The following RCOR1 variants were observed in gnomAD, a reference collection of about 807,000 sequenced individuals.
RCOR1 encodes the protein REST corepressor 1.
A neutral mutation model predicts 64.0 loss-of-function variants in RCOR1; 12 were observed. The ratio of observed to expected loss-of-function variants is 0.19; its 90% CI spans 0.12 to 0.30. The LOEUF is 0.30. Ranked by LOEUF, RCOR1 falls within the 10% of genes least tolerant of loss-of-function variation. RCOR1 has a pLI of 1.00. For synonymous variants in RCOR1, 279 were observed against 227.2 expected, an observed-to-expected ratio of 1.23 and a Z score of -2.05; for missense variants, 502 against 621.2, an observed-to-expected ratio of 0.81 and a Z score of 2.04.
chr14:102,663,058 T>G (rs140379498), intron 2 of RCOR1, among the ~76,000 whole-genome samples: 9 of 152,274 alleles, frequency 5.9e-5, no homozygotes, highest in African/African-American at 2.2e-4. Flanking sequence ...GATAATTGAA[T>G]CATGAGGCCA....
chr14:102,655,546 G>T, intron 2 of RCOR1: 1 of 937,914 alleles, frequency 1.1e-6, no homozygotes, highest in African/African-American at 1.8e-5. Flanking sequence ...AAGTTGCGAA[G>T]ATTACAAGCT....
At chr14:102,646,084 C>T (rs1894472456) in intron 2 of RCOR1, among the ~76,000 whole-genome samples, 1 of 152,112 alleles carries the variant, frequency 6.6e-6, no homozygotes, top group South Asian at 2.1e-4. Flanking sequence ...GGAAAACAGA[C>T]CTCATATCTT....
Position 102,721,305 on chromosome 14 carries a change from C to T in RCOR1, c.1132-15C>T, listed in dbSNP as rs764651712. The T allele has an allele frequency of 3.1e-6, 5 of 1,608,892 alleles. No individual in the cohort carries two copies. Among genetic ancestry groups the T allele is most frequent in the Admixed American group, 1.7e-5 (1 of 59,954 alleles). On this transcript the variant is annotated splice_polypyrimidine_tract_variant and intron_variant, in intron 9 of 11. Coordinates refer to ENST00000262241, the MANE Select transcript of RCOR1 (RefSeq NM_015156.4). The stretch of plus-strand genomic sequence containing the variant: ...CTAAATGTAATGTGCTAAAATGACT[C>T]ATTTGGATATCCAGGTCATTCAGAA...
intron 2 of RCOR1, among the ~76,000 whole-genome samples, chr14:102,599,163 ACT>A (rs1044967450): frequency 6.6e-6 from 1 of 151,068 alleles, no homozygotes; most frequent in Non-Finnish European, 1.5e-5. Context: ...ATAGGGTCAC[ACT>A]CTGTCACCAG....
chr14:102,676,296 A>G (rs1367550184), intron 2 of RCOR1, among the ~76,000 whole-genome samples: 440 of 117,692 alleles, frequency 3.7e-3, no homozygotes, highest in Middle Eastern at 0.022. Context: ...GCCGGGCAGA[A>G]GCGCCCCTCA....
chr14:102,705,503 G>A (rs1353121287), intron 4 of RCOR1, among the ~76,000 whole-genome samples: 1 of 152,144 alleles, frequency 6.6e-6, no homozygotes. Flanking sequence ...GGAGTGCAGT[G>A]GTGTGATCAT....
At chr14:102,616,530 C>G (rs1419727375) in intron 2 of RCOR1, among the ~76,000 whole-genome samples, 1 of 152,096 alleles carries the variant, frequency 6.6e-6, no homozygotes, top group Non-Finnish European at 1.5e-5. Flanking sequence ...CTTGGATTCC[C>G]AAAGTGCTGC....
chr14:102,640,087 C>T (rs1030186989), intron 2 of RCOR1, among the ~76,000 whole-genome samples: 9 of 152,174 alleles, frequency 5.9e-5, no homozygotes, highest in African/African-American at 1.2e-4. Context: ...TCAGGTGATC[C>T]GCCTGCCTCA....
At chr14:102,645,584 C>G (rs986680006) in intron 2 of RCOR1, among the ~76,000 whole-genome samples, 4 of 152,206 alleles carry the variant, frequency 2.6e-5, no homozygotes, top group Non-Finnish European at 5.9e-5. Context: ...AAAGGCCTTG[C>G]AATTTCCACC....
rs76304775 is a variant in RCOR1 at position 102,675,239 on chromosome 14, G to A, written c.362-6656G>A. Among the ~76,000 whole-genome samples, 1,183 of 152,054 alleles carry A rather than the reference G, an allele frequency of 7.8e-3. 22 individuals carry two copies. The highest frequency in any genetic ancestry group is 0.054 in the East Asian group (280 of 5,178). The stretch of plus-strand genomic sequence containing the variant: ...CACATTTTTGTGAGTGTTAAGACAT[G>A]TATACAATACTCCTCCCTTATCCAT... On this transcript the variant is annotated intron_variant, in intron 2 of 11. Coordinates refer to ENST00000262241, the MANE Select transcript of RCOR1 (RefSeq NM_015156.4).
intron 2 of RCOR1, among the ~76,000 whole-genome samples, chr14:102,668,972 CT>C (rs1350568350): frequency 6.6e-6 from 1 of 152,088 alleles, no homozygotes; most frequent in African/African-American, 2.4e-5. Flanking sequence ...CCAATTTAAA[CT>C]TTCAGCATTT....
chr14:102,678,746 A>T (rs2139958143), intron 2 of RCOR1, among the ~76,000 whole-genome samples: 1 of 152,346 alleles, frequency 6.6e-6, no homozygotes, highest in Non-Finnish European at 1.5e-5. Flanking sequence ...CATTTACACC[A>T]GCAGTGTATG....
At chr14:102,643,883 G>A (rs1894424213) in intron 2 of RCOR1, among the ~76,000 whole-genome samples, 1 of 152,194 alleles carries the variant, frequency 6.6e-6, no homozygotes, top group South Asian at 2.1e-4. Context: ...CAAATTAGAA[G>A]GTTCTTCTTT....
At chr14:102,643,996 A>G (rs551037852) in intron 2 of RCOR1, among the ~76,000 whole-genome samples, 37 of 152,318 alleles carry the variant, frequency 2.4e-4, no homozygotes, top group African/African-American at 7.5e-4. Context: ...AACAACAACA[A>G]TCGTTTTATT....
chr14:102,693,644 A>G (rs141747815), intron 3 of RCOR1, among the ~76,000 whole-genome samples: 1 of 151,446 alleles, frequency 6.6e-6, no homozygotes, highest in Non-Finnish European at 1.5e-5. Flanking sequence ...TTTCAGAGCT[A>G]AAGAACCCAC....
At position 102,721,101 on chromosome 14, in the gene RCOR1, A is replaced by G. The variant is rs775743127; in HGVS notation, c.1131+17A>G. The G allele has an allele frequency of 2.1e-6, 3 of 1,456,362 alleles. No homozygotes were observed. Among genetic ancestry groups the G allele is most frequent in the Non-Finnish European group, 2.8e-6 (3 of 1,056,810 alleles). 90.2% of individuals were successfully genotyped at this position (1,456,362 alleles called of 1,614,324 possible). ...CTTCCAGAGGTAGGATTATGTTAACATCATCTTAGAAGTCATATTCAAGTT... is the reference window on the plus strand; with the variant it reads ...CTTCCAGAGGTAGGATTATGTTAACGTCATCTTAGAAGTCATATTCAAGTT... On this transcript the variant is annotated intron_variant, in intron 9 of 11. Coordinates refer to ENST00000262241, the MANE Select transcript of RCOR1 (RefSeq NM_015156.4).
intron 2 of RCOR1, among the ~76,000 whole-genome samples, chr14:102,673,557 G>C (rs1027747316): frequency 7.9e-5 from 12 of 151,730 alleles, no homozygotes; most frequent in Admixed American, 2.6e-4. Context: ...GGATGGTCTC[G>C]ATCTCCTGAC....
At chr14:102,726,365 A>C in intron 11 of RCOR1, 103 bp from the exon 12 acceptor site, 1 of 885,004 alleles carries the variant, frequency 1.1e-6, no homozygotes, top group Non-Finnish European at 1.7e-6. Flanking sequence ...TTTGCTCTGC[A>C]GGTTTGCTGG....
At chr14:102,658,101 A>G (rs914173941) in intron 2 of RCOR1, 13 of 253,872 alleles carry the variant, frequency 5.1e-5, no homozygotes, top group Non-Finnish European at 7.4e-5. Context: ...CAGCCTCCCA[A>G]GTAATTGGGA....
Sources: gnomAD v4.1 joint callset for allele counts (sites outside exome capture counted in the v4.1 genomes callset) on GRCh38, gnomAD v4.1.1 for gene constraint, MANE v1.5 for transcripts, NCBI Gene and HGNC (gene_info 2026-07-23, HGNC 2026-07-21) for gene names.